Variants in ADAMTS18 observed in about 807,000 individuals in gnomAD.
The protein encoded by ADAMTS18 is ADAM metallopeptidase with thrombospondin type 1 motif 18.
ADAMTS18 carries 157 observed loss-of-function variants against 165.9 expected under a neutral mutation model. That is an observed-to-expected ratio of 0.95 (90% CI 0.83 to 1.08). ADAMTS18 has a LOEUF of 1.08. Among genes scored for constraint, ADAMTS18 ranks in the 50% least tolerant of loss-of-function variants. ADAMTS18 has a pLI of 0.00. For missense variants in ADAMTS18, 2,040 were observed against 1,534.0 expected (o/e 1.33, Z -5.51); for synonymous variants, 782 against 578.2 (o/e 1.35, Z -5.06).
In ADAMTS18 at chr16:77,282,698, A is replaced by ATAAT. The variant is rs938475046; in HGVS notation, c.*1254_*1257dup. ...AAAAATTACAGGAGGACACAGTATT[A>ATAAT]TAATTACTTTGGTTTTGGCAAAATA... On this transcript the variant is annotated 3_prime_UTR_variant, in exon 23 of 23. Transcript: ENST00000282849. The ATAAT allele has an allele frequency of 1.3e-5, 2 of 152,616 alleles. No individual in the cohort carries two copies. The highest frequency in any genetic ancestry group is 6.5e-5 in the Admixed American group (1 of 15,268). 9.5% of individuals were successfully genotyped at this position (152,616 alleles called of 1,614,324 possible). A position where few individuals can be genotyped will look rare whatever the true frequency, so the allele number is the denominator to read the frequency against.
intron 2 of ADAMTS18, among the ~76,000 whole-genome samples, chr16:77,434,125 T>A (rs953728816): frequency 2.0e-5 from 3 of 150,838 alleles, no homozygotes; most frequent in Admixed American, 1.3e-4. Context: ...TCCACTTCCC[T>A]TCGAATTTCT....
intron 16 of ADAMTS18, among the ~76,000 whole-genome samples, chr16:77,311,700 G>GGTTTTT (rs141522765): frequency 4.2e-5 from 4 of 94,282 alleles, no homozygotes; most frequent in African/African-American, 7.3e-5. Flanking sequence ...GATTACTGGA[G>GGTTTTT]TTTTCTTTTT....
At chr16:77,362,552 T>C (rs951456708) in intron 6 of ADAMTS18, among the ~76,000 whole-genome samples, 1 of 152,200 alleles carries the variant, frequency 6.6e-6, no homozygotes, top group Non-Finnish European at 1.5e-5. Flanking sequence ...ACTACCTTTA[T>C]AAAACCGTTA....
intron 3 of ADAMTS18, among the ~76,000 whole-genome samples, chr16:77,396,185 A>G (rs1047330642): frequency 6.6e-6 from 1 of 152,304 alleles, no homozygotes; most frequent in African/African-American, 2.4e-5. Context: ...TACTCCACCC[A>G]AGTTTTACCT....
intron 3 of ADAMTS18, among the ~76,000 whole-genome samples, chr16:77,372,420 T>C (rs7189308): frequency 0.06 from 9,169 of 152,254 alleles, 630 homozygotes; most frequent in African/African-American, 0.17. Context: ...AATGGAATAC[T>C]ATCCAGCCAT....
intron 3 of ADAMTS18, among the ~76,000 whole-genome samples, chr16:77,408,945 C>T (rs550621652): frequency 7.9e-5 from 12 of 152,024 alleles, no homozygotes; most frequent in Non-Finnish European, 1.5e-4. Flanking sequence ...AGTCACATAA[C>T]TTTTAATACA....
At chr16:77,347,517 T>C (rs1391401409) in intron 10 of ADAMTS18, among the ~76,000 whole-genome samples, 3 of 152,204 alleles carry the variant, frequency 2.0e-5, no homozygotes, top group Non-Finnish European at 2.9e-5. Flanking sequence ...TGTGCAGTGG[T>C]GCCCCATTAT....
At chr16:77,360,610 T>C (rs1193854171) in intron 7 of ADAMTS18, among the ~76,000 whole-genome samples, 1 of 152,224 alleles carries the variant, frequency 6.6e-6, no homozygotes, top group Non-Finnish European at 1.5e-5. Flanking sequence ...CATATGTCAC[T>C]TTGCACATTC....
intron 16 of ADAMTS18, among the ~76,000 whole-genome samples, chr16:77,313,350 G>A (rs1414808252): frequency 6.6e-6 from 1 of 151,972 alleles, no homozygotes; most frequent in Non-Finnish European, 1.5e-5. Context: ...CGTAAATGAC[G>A]AGTTAATGGG....
intron 3 of ADAMTS18, among the ~76,000 whole-genome samples, chr16:77,428,104 C>A (rs1400820943): frequency 6.6e-6 from 1 of 152,150 alleles, no homozygotes; most frequent in East Asian, 1.9e-4. Context: ...TCCAAAAGGA[C>A]CCTAAGGCCA....
intron 7 of ADAMTS18, 127 bp from the exon 8 acceptor site, chr16:77,359,550 A>C (rs201399858): frequency 0.14 from 1,208 of 8,440 alleles, 9 homozygotes; most frequent in African/African-American, 0.37. Flanking sequence ...GTGTTTTTGG[A>C]AAAAAAAAAA....
intron 12 of ADAMTS18, among the ~76,000 whole-genome samples, chr16:77,330,892 A>T (rs1462287651): frequency 6.6e-6 from 1 of 152,270 alleles, no homozygotes; most frequent in African/African-American, 2.4e-5. Context: ...CCAAATGCTT[A>T]AACTGAAGCA....
chr16:77,419,838 A>C (rs2057578263), intron 3 of ADAMTS18, among the ~76,000 whole-genome samples: 1 of 151,764 alleles, frequency 6.6e-6, no homozygotes, highest in South Asian at 2.1e-4. Flanking sequence ...GTCTCTACTA[A>C]AAATAGAAAA....
chr16:77,392,099 CA>C (rs2057195744), intron 3 of ADAMTS18, among the ~76,000 whole-genome samples: 3 of 152,270 alleles, frequency 2.0e-5, no homozygotes, highest in African/African-American at 7.2e-5. Context: ...AATTGCTGAC[CA>C]CACAGATGTG....
At chr16:77,301,159 A>G (rs891879860) in intron 16 of ADAMTS18, among the ~76,000 whole-genome samples, 2 of 152,212 alleles carry the variant, frequency 1.3e-5, no homozygotes, top group Non-Finnish European at 2.9e-5. Flanking sequence ...TCTGACTACT[A>G]AAATAAGAGC....
rs59256193 is a variant in ADAMTS18, at chr16:77,290,071, TTAC to T, written c.3403-663_3403-661del. Among the ~76,000 whole-genome samples, 1,266 of 152,290 alleles carry T rather than the reference TTAC, an allele frequency of 8.3e-3. 20 individuals are homozygous for T. Among genetic ancestry groups the T allele is most frequent in the African/African-American group, 0.028 (1,181 of 41,500 alleles). Reference sequence around the variant, plus strand: ...AATGGATTTTTCTTATTTTAAAAAGTTACTACATTAATTTTTCTTAAATGTACA... The same window carrying T: ...AATGGATTTTTCTTATTTTAAAAAGTTACATTAATTTTTCTTAAATGTACA... On this transcript the variant is annotated intron_variant, in intron 21 of 22. Coordinates refer to ENST00000282849, the MANE Select transcript of ADAMTS18 (RefSeq NM_199355.4).
At chr16:77,345,863 A>G (rs1275515276) in intron 10 of ADAMTS18, among the ~76,000 whole-genome samples, 2 of 151,948 alleles carry the variant, frequency 1.3e-5, no homozygotes, top group Non-Finnish European at 2.9e-5. Context: ...TCTGCTCAAA[A>G]CCCTGTTATG....
intron 16 of ADAMTS18, among the ~76,000 whole-genome samples, chr16:77,314,522 G>A (rs1207326847): frequency 1.3e-5 from 2 of 150,318 alleles, no homozygotes; most frequent in Non-Finnish European, 3.0e-5. Flanking sequence ...TGAGGCAGAA[G>A]AATCGCTTGG....
chr16:77,376,865 A>G (rs1486166721), intron 3 of ADAMTS18, among the ~76,000 whole-genome samples: 1 of 126,524 alleles, frequency 7.9e-6, no homozygotes. Context: ...CCCAGGCTGG[A>G]GTGCAGTGGG....
Sources: gnomAD v4.1 joint callset for allele counts (sites outside exome capture counted in the v4.1 genomes callset) on GRCh38, gnomAD v4.1.1 for gene constraint, MANE v1.5 for transcripts, NCBI Gene and HGNC (gene_info 2026-07-23, HGNC 2026-07-21) for gene names.